The following TANC2 variants were observed in gnomAD, a reference collection of about 807,000 sequenced individuals.
TANC2 encodes tetratricopeptide repeat, ankyrin repeat and coiled-coil containing 2, also known as protein TANC2.
A neutral mutation model predicts 210.5 loss-of-function variants in TANC2; 26 were observed. The observed-to-expected ratio is 0.12, with a 90% CI of 0.09 to 0.17. The LOEUF is 0.17. Among genes scored for constraint, TANC2 ranks in the 10% least tolerant of loss-of-function variants. The pLI is 1.00. For synonymous variants in TANC2, 931 were observed against 967.1 expected, an observed-to-expected ratio of 0.96 and a Z score of 0.69; for missense variants, 2,129 against 2,608.9, an observed-to-expected ratio of 0.82 and a Z score of 4.01.
intron 1 of TANC2, chr17:62,967,630 G>T (rs2031427446): frequency 6.6e-6 from 1 of 152,194 alleles, no homozygotes; most frequent in Non-Finnish European, 1.5e-5. Flanking sequence ...GCAAAGGGAA[G>T]TATTTTTCGT....
chr17:63,263,032 AG>A (rs1449683577), intron 8 of TANC2, among the ~76,000 whole-genome samples: 1 of 152,216 alleles, frequency 6.6e-6, no homozygotes, highest in Non-Finnish European at 1.5e-5. Context: ...ATTTCTTTAT[AG>A]AAATTATATC....
intron 19 of TANC2, among the ~76,000 whole-genome samples, chr17:63,402,983 A>G (rs990990125): frequency 1.3e-5 from 2 of 152,368 alleles, no homozygotes; most frequent in Non-Finnish European, 2.9e-5. Flanking sequence ...ATGTCCAGCT[A>G]TCAGCTGAAG....
intron 7 of TANC2, among the ~76,000 whole-genome samples, chr17:63,230,876 C>G (rs982253124): frequency 6.6e-6 from 1 of 152,062 alleles, no homozygotes; most frequent in African/African-American, 2.4e-5. Context: ...TTAAAGTCTC[C>G]CACTATTATT....
intron 4 of TANC2, chr17:63,116,906 T>C (rs1371972129): frequency 1.3e-5 from 2 of 152,206 alleles, no homozygotes; most frequent in Non-Finnish European, 2.9e-5. Flanking sequence ...ATTACCTCAA[T>C]TGCATTTTTT....
intron 7 of TANC2, among the ~76,000 whole-genome samples, chr17:63,212,799 A>C (rs923539906): frequency 1.4e-4 from 21 of 152,236 alleles, no homozygotes; most frequent in African/African-American, 5.1e-4. Flanking sequence ...AGACCAAATG[A>C]ATAATTGTGT....
chr17:63,254,014 A>G (rs540413017), intron 8 of TANC2, among the ~76,000 whole-genome samples: 38 of 152,034 alleles, frequency 2.5e-4, no homozygotes, highest in Non-Finnish European at 5.1e-4. Flanking sequence ...TAGTTTTTCT[A>G]TTTCTATAAA....
exon 28 of TANC2, chr17:63,427,289 TTCC>T (rs1442264830): frequency 6.6e-6 from 1 of 152,268 alleles, no homozygotes; most frequent in East Asian, 1.9e-4. Context: ...ATTTTGATTC[TTCC>T]TCCTCTTTGC....
chr17:62,997,182 C>G (rs2033160550), intron 1 of TANC2, among the ~76,000 whole-genome samples: 1 of 148,494 alleles, frequency 6.7e-6, no homozygotes, highest in African/African-American at 2.5e-5. Context: ...GTCACCCAGG[C>G]TGGCGTGCAG....
At chr17:63,167,042 T>C (rs773942566) in intron 5 of TANC2, among the ~76,000 whole-genome samples, 5 of 152,182 alleles carry the variant, frequency 3.3e-5, no homozygotes, top group Non-Finnish European at 5.9e-5. Context: ...GAAAGCATTC[T>C]GGTAGTGGGA....
chr17:63,002,806 CTG>C (rs2033447288), intron 1 of TANC2, among the ~76,000 whole-genome samples: 1 of 152,168 alleles, frequency 6.6e-6, no homozygotes, highest in South Asian at 2.1e-4. Flanking sequence ...TCTGTGTTGA[CTG>C]TATGAGTAGT....
chr17:62,992,236 A>G (rs2032907275), intron 1 of TANC2, among the ~76,000 whole-genome samples: 1 of 152,170 alleles, frequency 6.6e-6, no homozygotes, highest in Non-Finnish European at 1.5e-5. Flanking sequence ...CAGATACCCA[A>G]GGATGATTGT....
At position 63,412,427 on chromosome 17, in the gene TANC2, A is replaced by G. The variant is rs188659795; in HGVS notation, c.3899-253A>G. On this transcript the variant is annotated intron_variant, in intron 23 of 27. Coordinates refer to ENST00000689528, the Ensembl canonical transcript of TANC2. The surrounding 1 kb of genome is among the most constrained non-coding windows in gnomAD (Gnocchi z 4.2). ...ACTGCCTCTGTTCCAGCCCCACTCT[A>G]TCAGCATCCTGGATCTCTGCGCTGC... Among the ~76,000 whole-genome samples the G allele has an allele frequency of 1.1e-4, 16 of 152,028 alleles. No individual in the cohort carries two copies. The highest frequency in any genetic ancestry group is 3.4e-4 in the African/African-American group (14 of 41,482).
chr17:63,114,978 A>T (rs917052045), intron 4 of TANC2, among the ~76,000 whole-genome samples: 5 of 152,148 alleles, frequency 3.3e-5, no homozygotes, highest in Admixed American at 6.5e-5. Context: ...ACGTTAGAAA[A>T]AATTATTTGT....
At chr17:63,278,439 T>TGTTA (rs1158399721) in intron 9 of TANC2, among the ~76,000 whole-genome samples, 4 of 151,954 alleles carry the variant, frequency 2.6e-5, no homozygotes, top group African/African-American at 9.7e-5. Context: ...ACCTCACACC[T>TGTTA]GTTAACATGG....
At chr17:63,398,578 A>T (rs1043377873) in intron 18 of TANC2, among the ~76,000 whole-genome samples, 2 of 152,200 alleles carry the variant, frequency 1.3e-5, no homozygotes, top group African/African-American at 2.4e-5. Context: ...TGTAATTTTT[A>T]AAAAATCACA....
rs147491646 is a variant in TANC2, at chr17:62,998,811, C to T, written c.-23-10726C>T. On this transcript the variant is annotated intron_variant, in intron 1 of 27. Transcript: ENST00000689528. ...CCACCACAAAAAACACACTTAAGTA[C>T]ATAGACAGTTGACACTGTAAAGCAG... Among the ~76,000 whole-genome samples, 201 of 152,288 alleles carry T rather than the reference C, an allele frequency of 1.3e-3. 2 individuals carry two copies. Among genetic ancestry groups the T allele is most frequent in the African/African-American group, 4.5e-3 (188 of 41,552 alleles).
At chr17:63,389,582 T>C in intron 17 of TANC2, 38 bp downstream of exon 17, 4 of 1,545,152 alleles carry the variant, frequency 2.6e-6, no homozygotes, top group Non-Finnish European at 3.5e-6. Flanking sequence ...TCTTCCCTTT[T>C]TCTTTATTTT....
chr17:63,221,442 C>CA lies in TANC2; in HGVS notation c.770-16354dup, dbSNP rs755699051. Among the ~76,000 whole-genome samples the CA allele has an allele frequency of 4.1e-3, 355 of 87,250 alleles. 2 individuals are homozygous for CA. The highest frequency in any genetic ancestry group is 0.011 in the Middle Eastern group (2 of 184). 57.2% of individuals were successfully genotyped at this position (87,250 alleles called of 152,430 possible). ...TGGGCAACAGAGTGAGACTCCATCTCAAAAAAAAAAAAAAAAAAGAAAGAA... is the reference window on the plus strand; with the variant it reads ...TGGGCAACAGAGTGAGACTCCATCTCAAAAAAAAAAAAAAAAAAAGAAAGAA... On this transcript the variant is annotated intron_variant, in intron 7 of 27. Coordinates refer to ENST00000689528, the Ensembl canonical transcript of TANC2.
chr17:63,303,326 CTGGAAAGGATTTTATTTCTCCTTTG>C (rs2044784426), intron 9 of TANC2, among the ~76,000 whole-genome samples: 1 of 152,156 alleles, frequency 6.6e-6, no homozygotes, highest in African/African-American at 2.4e-5. Flanking sequence ...ATTTGCTTAT[CTGGAAAGGATTTTATTTCTCCTTTG>C]TTTATGAAGC....
Sources: allele counts gnomAD v4.1 joint callset (sites outside exome capture counted in the v4.1 genomes callset), GRCh38; gene constraint gnomAD v4.1.1; non-coding constraint Gnocchi (gnomAD v3.1); transcripts MANE v1.5; gene names NCBI Gene and HGNC (gene_info 2026-07-23, HGNC 2026-07-21).